The following PDE8A variants were observed in gnomAD, a reference collection of about 807,000 sequenced individuals.
PDE8A encodes phosphodiesterase 8A.
In PDE8A, 59 loss-of-function variants were observed where a neutral mutation model predicts 105.0. That is an observed-to-expected ratio of 0.56 (90% CI 0.46 to 0.70). PDE8A has a LOEUF of 0.70. PDE8A is among the 30% of genes least tolerant of loss of function. PDE8A has a pLI of 0.00. For synonymous variants in PDE8A, 355 were observed against 371.9 expected, an observed-to-expected ratio of 0.95 and a Z score of 0.52; for missense variants, 1,014 against 1,045.9, an observed-to-expected ratio of 0.97 and a Z score of 0.42.
At chr15:85,064,130 C>A in intron 1 of PDE8A, 1 of 442,400 alleles carries the variant, frequency 2.3e-6, no homozygotes, top group South Asian at 4.0e-5. Context: ...AAAGGCAAAG[C>A]CAGAATCACA....
chr15:85,106,443 A>G (rs531101111), intron 11 of PDE8A, among the ~76,000 whole-genome samples: 1 of 152,184 alleles, frequency 6.6e-6, no homozygotes, highest in South Asian at 2.1e-4. Flanking sequence ...AGCTTAGGGC[A>G]TCACACATGG....
intron 1 of PDE8A, among the ~76,000 whole-genome samples, chr15:85,033,173 A>G (rs1047557128): frequency 6.6e-6 from 1 of 152,226 alleles, no homozygotes; most frequent in African/African-American, 2.4e-5. Flanking sequence ...TTGGGACTAC[A>G]GATCTCAGGA....
intron 11 of PDE8A, among the ~76,000 whole-genome samples, chr15:85,106,216 G>A (rs924828801): frequency 3.3e-5 from 5 of 151,990 alleles, no homozygotes; most frequent in Non-Finnish European, 7.4e-5. Flanking sequence ...TCCTGGAAAT[G>A]CTGTCGTCCT....
intron 1 of PDE8A, among the ~76,000 whole-genome samples, chr15:85,062,322 C>T: frequency 6.6e-6 from 1 of 152,202 alleles, no homozygotes; most frequent in East Asian, 1.9e-4. Context: ...AATGTGTAAA[C>T]TCAAGGTCTT....
upstream of PDE8A, among the ~76,000 whole-genome samples, chr15:84,981,018 T>C (rs1269742994): frequency 6.6e-6 from 1 of 151,964 alleles, no homozygotes; most frequent in African/African-American, 2.4e-5. Flanking sequence ...CCAGTTTGAC[T>C]TTCACTACCC....
At chr15:85,059,369 A>C (rs561824064) in intron 1 of PDE8A, among the ~76,000 whole-genome samples, 1 of 152,188 alleles carries the variant, frequency 6.6e-6, no homozygotes, top group Non-Finnish European at 1.5e-5. Context: ...GTATATGTCT[A>C]TTAGATCTTG....
intron 9 of PDE8A, 198 bp from the exon 10 acceptor site, chr15:85,099,817 C>T: frequency 1.8e-6 from 1 of 553,594 alleles, no homozygotes; most frequent in Non-Finnish European, 3.2e-6. Flanking sequence ...TTACTGAAGT[C>T]ACTTGTACAG....
chr15:85,026,529 A>G (rs1227911032), intron 1 of PDE8A, among the ~76,000 whole-genome samples: 1 of 152,114 alleles, frequency 6.6e-6, no homozygotes, highest in Non-Finnish European at 1.5e-5. Flanking sequence ...ACATGGCATC[A>G]CTTCTGTTCC....
intron 12 of PDE8A, among the ~76,000 whole-genome samples, chr15:85,110,449 C>G (rs528043692): frequency 1.3e-5 from 2 of 152,290 alleles, no homozygotes; most frequent in South Asian, 4.1e-4. Flanking sequence ...AAAATCCACA[C>G]ACACAAACAC....
intron 6 of PDE8A, among the ~76,000 whole-genome samples, chr15:85,084,532 G>A (rs561301975): frequency 2.6e-5 from 4 of 152,266 alleles, no homozygotes; most frequent in African/African-American, 7.2e-5. Flanking sequence ...TCCCACTCCT[G>A]GGTCATCTCA....
At chr15:85,126,086 G>A in intron 19 of PDE8A, 121 bp from the exon 20 acceptor site, 1 of 615,410 alleles carries the variant, frequency 1.6e-6, no homozygotes, top group Non-Finnish European at 2.7e-6. Flanking sequence ...GCACTGTTTT[G>A]TGAGATCCTT....
At chr15:84,999,596 G>A (rs368998303) in intron 1 of PDE8A, among the ~76,000 whole-genome samples, 19 of 151,140 alleles carry the variant, frequency 1.3e-4, no homozygotes, top group East Asian at 9.9e-4. Context: ...TTGTTTTTGA[G>A]ACGGAGTCTC....
intron 20 of PDE8A, among the ~76,000 whole-genome samples, chr15:85,134,158 G>A (rs186476587): frequency 1.3e-5 from 2 of 152,322 alleles, no homozygotes; most frequent in Admixed American, 6.5e-5. Flanking sequence ...ATCTAAGCAC[G>A]AGGGTCTTCA....
intron 1 of PDE8A, among the ~76,000 whole-genome samples, chr15:84,984,948 T>C (rs530174473): frequency 1.2e-4 from 18 of 152,226 alleles, no homozygotes; most frequent in Non-Finnish European, 2.4e-4. Context: ...AAAACACTTC[T>C]GGTCTCAAGC....
chr15:85,057,780 ATTAT>A (rs1267799796), intron 1 of PDE8A, among the ~76,000 whole-genome samples: 1 of 152,170 alleles, frequency 6.6e-6, no homozygotes, highest in Non-Finnish European at 1.5e-5. Context: ...CCTTTTCTGC[ATTAT>A]TTGAGGTATA....
chr15:85,099,942 A>G (rs2081830627), intron 9 of PDE8A, 73 bp from the exon 10 acceptor site: 5 of 1,257,384 alleles, frequency 4.0e-6, no homozygotes, highest in Non-Finnish European at 4.6e-6. Flanking sequence ...CCATTTTCGT[A>G]ATGAAAAATT....
intron 1 of PDE8A, among the ~76,000 whole-genome samples, chr15:85,005,117 A>G (rs779876269): frequency 3.9e-4 from 59 of 152,130 alleles, no homozygotes; most frequent in Non-Finnish European, 3.2e-4. Context: ...CTATATTACT[A>G]TAGGACTTTT....
At position 85,138,139 on chromosome 15, in the gene PDE8A, C is replaced by A; in HGVS notation, c.*236C>A. The A allele has an allele frequency of 2.3e-6, 1 of 442,606 alleles. No homozygotes were observed. The highest frequency in any genetic ancestry group is 3.7e-5 in the Admixed American group (1 of 27,250). The allele number at this position is 442,606 out of a possible 1,614,324, so 27.4% of individuals were successfully genotyped here. On this transcript the variant is annotated 3_prime_UTR_variant, in exon 22 of 22. Transcript: ENST00000394553. ...CTGCTGCAGGAGCTCTTCAGAAAGGCACATGAGGACCACGGTTTGCCTCAG... is the reference window on the plus strand; with the variant it reads ...CTGCTGCAGGAGCTCTTCAGAAAGGAACATGAGGACCACGGTTTGCCTCAG...
intron 8 of PDE8A, among the ~76,000 whole-genome samples, chr15:85,096,000 C>T (rs746183420): frequency 3.3e-5 from 5 of 151,872 alleles, no homozygotes; most frequent in Non-Finnish European, 5.9e-5. Context: ...CTCAGCCTCC[C>T]GAGTAGCTGG....
Sources: allele counts gnomAD v4.1 joint callset (sites outside exome capture counted in the v4.1 genomes callset), GRCh38; gene constraint gnomAD v4.1.1; transcripts MANE v1.5; gene names NCBI Gene and HGNC (gene_info 2026-07-23, HGNC 2026-07-21).